Variants in PPARD observed in about 807,000 individuals in gnomAD.
PPARD encodes peroxisome proliferator-activated receptor delta.
A neutral mutation model predicts 39.5 loss-of-function variants in PPARD; 6 were observed. That is an observed-to-expected ratio of 0.15 (90% CI 0.08 to 0.30). The LOEUF (loss-of-function observed/expected upper bound fraction) is 0.30, where lower values mean the gene tolerates loss of function less well. Ranked by LOEUF, PPARD falls within the 10% of genes least tolerant of loss-of-function variation. PPARD has a pLI of 1.00. For synonymous variants in PPARD, 210 were observed against 231.3 expected (o/e 0.91, Z 0.83); for missense variants, 397 against 596.8 (o/e 0.67, Z 3.49).
rs923045935 is a variant in PPARD at position 35,363,585 on chromosome 6, G to A, written c.-102+16435G>A. Among the ~76,000 whole-genome samples, 19 of 152,162 alleles carry A rather than the reference G, an allele frequency of 1.2e-4. No homozygotes were observed. Among genetic ancestry groups the A allele is most frequent in the Non-Finnish European group, 2.4e-4 (16 of 68,032 alleles). On this transcript the variant is annotated intron_variant, in intron 2 of 7. Transcript: ENST00000360694. The surrounding 1 kb of genome is among the most constrained non-coding windows in gnomAD (Gnocchi z 4.5). ...TCTCCAGTAGGTCTGAGTAGGTGGT[G>A]TGGACCCACCAGGAAAGGGTGGATC...
chr6:35,380,164 T>C (rs2150580777), intron 2 of PPARD, among the ~76,000 whole-genome samples: 1 of 152,332 alleles, frequency 6.6e-6, no homozygotes, highest in East Asian at 1.9e-4. Flanking sequence ...GATGGATTGA[T>C]GGATAGGGAT....
intron 2 of PPARD, among the ~76,000 whole-genome samples, chr6:35,368,678 AATG>A (rs1425769673): frequency 6.6e-6 from 1 of 152,084 alleles, no homozygotes; most frequent in Non-Finnish European, 1.5e-5. Context: ...CATGGGAGAG[AATG>A]ATTTGTCCAG....
At chr6:35,416,191 A>G (rs963598315) in intron 3 of PPARD, among the ~76,000 whole-genome samples, 9 of 151,880 alleles carry the variant, frequency 5.9e-5, no homozygotes, top group Non-Finnish European at 1.3e-4. Flanking sequence ...AGACCAGCCC[A>G]GCCAACATGG....
rs372158141 is a variant in PPARD at position 35,385,518 on chromosome 6, C to T, written c.-101-25469C>T. On this transcript the variant is annotated intron_variant, in intron 2 of 7. Coordinates refer to ENST00000360694, the MANE Select transcript of PPARD (RefSeq NM_006238.5). ...TGCGGAAGGCCGCAGGGTCCTCTGC[C>T]TAGGAAAACCAGAGACCTTTGTTCA... Among the ~76,000 whole-genome samples the T allele has an allele frequency of 6.0e-4, 90 of 149,122 alleles. No homozygotes were observed. The East Asian group carries it at 0.014, about 24-fold the overall frequency.
chr6:35,382,333 C>T (rs1446688142), intron 2 of PPARD, among the ~76,000 whole-genome samples: 2 of 152,182 alleles, frequency 1.3e-5, no homozygotes, highest in African/African-American at 2.4e-5. Context: ...TAACCAGGCA[C>T]CTGGCATCAC....
At position 35,425,120 on chromosome 6, in the gene PPARD, A is replaced by G; in HGVS notation, c.1078+341A>G. On this transcript the variant is annotated intron_variant, in intron 7 of 7. Coordinates refer to ENST00000360694, the MANE Select transcript of PPARD (RefSeq NM_006238.5). The surrounding 1 kb of genome is among the most constrained non-coding windows in gnomAD (Gnocchi z 4.5). Reference sequence around the variant, plus strand: ...AAACCCCGTCTCTACTAAAAATACAAAAAATTAGCCAGATGTGGTGGCACG... The same window carrying G: ...AAACCCCGTCTCTACTAAAAATACAGAAAATTAGCCAGATGTGGTGGCACG... 12 of 847,900 alleles carry G rather than the reference A, an allele frequency of 1.4e-5. No homozygotes were observed. The highest frequency in any genetic ancestry group is 1.8e-5 in the Non-Finnish European group (12 of 675,390). 52.5% of individuals were successfully genotyped at this position (847,900 alleles called of 1,614,324 possible). A position where few individuals can be genotyped will look rare whatever the true frequency, so the allele number is the denominator to read the frequency against.
chr6:35,405,597 C>A (rs1764993503), intron 2 of PPARD, among the ~76,000 whole-genome samples: 1 of 150,154 alleles, frequency 6.7e-6, no homozygotes. Context: ...TTTTTGCCGG[C>A]ATACAAATTA....
intron 2 of PPARD, among the ~76,000 whole-genome samples, chr6:35,389,049 A>G (rs1228418347): frequency 6.6e-6 from 1 of 152,010 alleles, no homozygotes; most frequent in Non-Finnish European, 1.5e-5. Context: ...ACAGTGACTC[A>G]CACCTGTAAT....
chr6:35,385,516 G>C (rs1415871452), intron 2 of PPARD, among the ~76,000 whole-genome samples: 81 of 149,152 alleles, frequency 5.4e-4, no homozygotes, highest in Non-Finnish European at 9.4e-4. Flanking sequence ...AGGGTCCTCT[G>C]CCTAGGAAAA....
At chr6:35,357,410 C>G (rs1249562427) in intron 2 of PPARD, among the ~76,000 whole-genome samples, 1 of 152,178 alleles carries the variant, frequency 6.6e-6, no homozygotes, top group Non-Finnish European at 1.5e-5. Context: ...CACGCACATC[C>G]TGGTATGTAG....
intron 1 of PPARD, among the ~76,000 whole-genome samples, chr6:35,346,429 G>A (rs1582260160): frequency 6.6e-6 from 1 of 152,272 alleles, no homozygotes; most frequent in Admixed American, 6.5e-5. Context: ...CAGAAGCCCT[G>A]TGCCCGGTGC....
At chr6:35,410,314 G>T (rs1005062969) in intron 2 of PPARD, among the ~76,000 whole-genome samples, 8 of 152,154 alleles carry the variant, frequency 5.3e-5, no homozygotes, top group African/African-American at 1.4e-4. Flanking sequence ...ACTTGCTAAG[G>T]GTTGGAACTG....
At chr6:35,383,494 G>C (rs1276253622) in intron 2 of PPARD, among the ~76,000 whole-genome samples, 5 of 143,326 alleles carry the variant, frequency 3.5e-5, no homozygotes, top group African/African-American at 8.0e-5. Flanking sequence ...GCCACCCATC[G>C]TCTGGGATGT....
At chr6:35,410,165 T>C (rs917970801) in intron 2 of PPARD, among the ~76,000 whole-genome samples, 1 of 152,242 alleles carries the variant, frequency 6.6e-6, no homozygotes, top group Admixed American at 6.5e-5. Context: ...GTCCCACAGA[T>C]GCTTAACATC....
Position 35,354,829 on chromosome 6 carries a change from T to C in PPARD, c.-102+7679T>C, listed in dbSNP as rs565945824. Among the ~76,000 whole-genome samples, 13 of 152,340 alleles carry C rather than the reference T, an allele frequency of 8.5e-5. No individual in the cohort carries two copies. The East Asian group carries it at 2.5e-3, about 29-fold the overall frequency. On this transcript the variant is annotated intron_variant, in intron 2 of 7. Coordinates refer to ENST00000360694, the MANE Select transcript of PPARD (RefSeq NM_006238.5). The stretch of plus-strand genomic sequence containing the variant: ...TCAACATATGATGGGTTTGTCCTTA[T>C]AAGTTGAGGAACATTTGTAGCCATT...
intron 2 of PPARD, among the ~76,000 whole-genome samples, chr6:35,378,251 C>T (rs1762932624): frequency 6.6e-6 from 1 of 152,114 alleles, no homozygotes; most frequent in South Asian, 2.1e-4. Flanking sequence ...TTCTACCTGT[C>T]ATTTGGTGGG....
Position 35,424,465 on chromosome 6 carries a change from A to G in PPARD, c.764A>G (p.Glu255Gly). Residue 255 changes from glutamate (E) to glycine (G), a missense_variant, in exon 7 of 8, where the codon GAG becomes GGG. Glu to Gly is a moderately conservative substitution (Grantham distance 98). Coordinates refer to ENST00000360694, the MANE Select transcript of PPARD (RefSeq NM_006238.5). This position sits in a 1 kb window ranked among gnomAD's most constrained non-coding sequence, Gnocchi z 7.1. Reference protein sequence around the residue: ...VFYRCQCTTVETVRELTEFAK... With the variant: ...VFYRCQCTTVGTVRELTEFAK... ...TACCGCTGCCAGTGCACCACAGTGG[A>G]GACCGTGCGGGAGCTCACTGAGTTC... 1 of 1,614,216 alleles carries G rather than the reference A, an allele frequency of 6.2e-7. No homozygotes were observed. The highest frequency in any genetic ancestry group is 8.5e-7 in the Non-Finnish European group (1 of 1,180,024).
chr6:35,355,145 T>C (rs1367839387), intron 2 of PPARD, among the ~76,000 whole-genome samples: 2 of 152,108 alleles, frequency 1.3e-5, no homozygotes, highest in Non-Finnish European at 2.9e-5. Flanking sequence ...TTCCATTAAA[T>C]AGCTCCTGGC....
intron 2 of PPARD, among the ~76,000 whole-genome samples, chr6:35,384,221 T>G (rs1581591917): frequency 8.7e-6 from 1 of 114,584 alleles, no homozygotes; most frequent in South Asian, 2.9e-4. Context: ...GGTGGGGGGG[T>G]CAGCCCCCCG....
Sources: allele counts gnomAD v4.1 joint callset (sites outside exome capture counted in the v4.1 genomes callset), GRCh38; gene constraint gnomAD v4.1.1; non-coding constraint Gnocchi (gnomAD v3.1); transcripts MANE v1.5; gene names NCBI Gene and HGNC (gene_info 2026-07-23, HGNC 2026-07-21).